Variants in PARN observed in about 807,000 individuals in gnomAD.
The protein encoded by PARN is poly(A)-specific ribonuclease, also known as poly(A)-specific ribonuclease PARN.
PARN carries 71 observed loss-of-function variants against 102.8 expected under a neutral mutation model. The observed-to-expected ratio is 0.69, with a 90% CI of 0.57 to 0.84. The LOEUF (loss-of-function observed/expected upper bound fraction) is 0.84, where lower values mean the gene tolerates loss of function less well. PARN is among the 40% of genes least tolerant of loss of function. The pLI, the probability that PARN is intolerant of heterozygous loss-of-function variation, is 0.00. For missense variants in PARN, 782 were observed against 760.9 expected, an observed-to-expected ratio of 1.03 and a Z score of -0.33; for synonymous variants, 261 against 252.9, an observed-to-expected ratio of 1.03 and a Z score of -0.30.
intron 21 of PARN, among the ~76,000 whole-genome samples, chr16:14,538,275 G>A (rs1240264622): frequency 6.7e-6 from 1 of 149,672 alleles, no homozygotes; most frequent in Non-Finnish European, 1.5e-5. Flanking sequence ...CTGGAGTGCA[G>A]GGGCATGATC....
At chr16:14,515,393 A>G (rs1965409927) in intron 21 of PARN, among the ~76,000 whole-genome samples, 1 of 152,212 alleles carries the variant, frequency 6.6e-6, no homozygotes, top group South Asian at 2.1e-4. Context: ...AACTGACCTT[A>G]AACATATGTA....
Position 14,584,809 on chromosome 16 carries a change from C to T in PARN, c.963-18G>A, listed in dbSNP as rs1969746233. On this transcript the variant is annotated intron_variant, in intron 14 of 23. Transcript: ENST00000437198. ...CCAAGAGTCTAAAAAGAATTTTTAA[C>T]AAGGTAAACAAAATGTATATCAATG... is the stretch of plus-strand genomic sequence containing the variant. The T allele has an allele frequency of 1.4e-6, 2 of 1,448,952 alleles. No individual in the cohort carries two copies. The highest frequency in any genetic ancestry group is 1.4e-5 in the African/African-American group (1 of 69,266). The allele number at this position is 1,448,952 out of a possible 1,614,324, so 89.8% of individuals were successfully genotyped here. A position where few individuals can be genotyped will look rare whatever the true frequency, so the allele number is the denominator to read the frequency against.
At chr16:14,554,351 A>C (rs902468399) in intron 19 of PARN, among the ~76,000 whole-genome samples, 200 bp from the exon 20 acceptor site, 1 of 152,200 alleles carries the variant, frequency 6.6e-6, no homozygotes, top group African/African-American at 2.4e-5. Flanking sequence ...GATACTTTAC[A>C]GAACCCACAA....
intron 21 of PARN, among the ~76,000 whole-genome samples, chr16:14,511,952 G>A (rs1965210042): frequency 6.6e-6 from 1 of 152,128 alleles, no homozygotes; most frequent in African/African-American, 2.4e-5. Flanking sequence ...GCCTCCCAAA[G>A]CACTGGGATT....
intron 23 of PARN, among the ~76,000 whole-genome samples, chr16:14,437,928 C>G (rs1960776118): frequency 6.6e-6 from 1 of 152,190 alleles, no homozygotes; most frequent in African/African-American, 2.4e-5. Context: ...TTTCAGCTAA[C>G]ATGAGAATTT....
chr16:14,549,079 G>A (rs898610480), intron 21 of PARN, among the ~76,000 whole-genome samples: 7 of 152,184 alleles, frequency 4.6e-5, no homozygotes, highest in Admixed American at 1.3e-4. Context: ...GCATAGTCAG[G>A]TTCTGGTGGG....
At chr16:14,491,263 C>T (rs1386645778) in intron 21 of PARN, among the ~76,000 whole-genome samples, 1 of 150,614 alleles carries the variant, frequency 6.6e-6, no homozygotes, top group Non-Finnish European at 1.5e-5. Context: ...CTGGTACACC[C>T]AACTGGTGTA....
Position 14,443,257 on chromosome 16 carries a change from C to T in PARN, c.1864+3631G>A, listed in dbSNP as rs565936961. ...TAGTACTTAATTCTTAGTGTATCTTCGATATCAAAATGTATACTATGAGTT... is the reference window on the plus strand; with the variant it reads ...TAGTACTTAATTCTTAGTGTATCTTTGATATCAAAATGTATACTATGAGTT... On this transcript the variant is annotated intron_variant, in intron 23 of 23. Coordinates refer to ENST00000437198, the MANE Select transcript of PARN (RefSeq NM_002582.4). Among the ~76,000 whole-genome samples the T allele has an allele frequency of 1.9e-4, 29 of 150,960 alleles. No homozygotes were observed. In the East Asian group the frequency reaches 1.9e-3, roughly 10 times the overall value.
intron 22 of PARN, among the ~76,000 whole-genome samples, chr16:14,467,319 C>T (rs1273233769): frequency 1.3e-5 from 2 of 152,096 alleles, no homozygotes; most frequent in South Asian, 4.1e-4. Flanking sequence ...TCATTTCAGC[C>T]CCCCTCAGAA....
chr16:14,448,814 G>A (rs1961316506), intron 22 of PARN, among the ~76,000 whole-genome samples: 1 of 152,158 alleles, frequency 6.6e-6, no homozygotes, highest in Admixed American at 6.5e-5. Context: ...TGGCTGGCTA[G>A]CCTTTCATTT....
At chr16:14,460,746 T>G (rs954043239) in intron 22 of PARN, among the ~76,000 whole-genome samples, 1 of 152,234 alleles carries the variant, frequency 6.6e-6, no homozygotes, top group African/African-American at 2.4e-5. Context: ...ATAAAACTTA[T>G]GTCTATATAA....
chr16:14,582,092 A>T, intron 17 of PARN, 89 bp downstream of exon 17: 2 of 837,000 alleles, frequency 2.4e-6, no homozygotes, highest in Non-Finnish European at 4.2e-6. Context: ...CACACTCGAC[A>T]GTAATTTATT....
At chr16:14,542,031 G>T (rs572130388) in intron 21 of PARN, among the ~76,000 whole-genome samples, 1 of 152,162 alleles carries the variant, frequency 6.6e-6, no homozygotes, top group East Asian at 1.9e-4. Context: ...TTGAGACAGG[G>T]TCTTGCACTG....
At chr16:14,491,987 A>C (rs1964082353) in intron 21 of PARN, among the ~76,000 whole-genome samples, 1 of 152,204 alleles carries the variant, frequency 6.6e-6, no homozygotes, top group Admixed American at 6.5e-5. Flanking sequence ...TCTGGCTCGA[A>C]CGGGTAGTTT....
At chr16:14,513,213 C>A (rs1965293193) in intron 21 of PARN, among the ~76,000 whole-genome samples, 1 of 152,202 alleles carries the variant, frequency 6.6e-6, no homozygotes, top group Non-Finnish European at 1.5e-5. Flanking sequence ...GCATGAGCCA[C>A]TGCGCCTGGC....
intron 22 of PARN, among the ~76,000 whole-genome samples, chr16:14,456,831 G>A (rs1002679326): frequency 7.9e-5 from 12 of 152,152 alleles, no homozygotes; most frequent in African/African-American, 2.2e-4. Flanking sequence ...CCATCCCCAC[G>A]GAGGAGCCGA....
At chr16:14,550,544 C>T (rs1967229792) in intron 21 of PARN, among the ~76,000 whole-genome samples, 1 of 152,154 alleles carries the variant, frequency 6.6e-6, no homozygotes, top group African/African-American at 2.4e-5. Context: ...AGTGATGCTG[C>T]AGTATGATTC....
intron 22 of PARN, among the ~76,000 whole-genome samples, chr16:14,447,673 A>AATC (rs1462493159): frequency 2.6e-5 from 4 of 152,252 alleles, no homozygotes; most frequent in African/African-American, 9.6e-5. Flanking sequence ...TATTGAATTA[A>AATC]ATCAGATTAT....
chr16:14,562,060 G>A (rs1026042186), intron 18 of PARN, among the ~76,000 whole-genome samples: 3 of 152,230 alleles, frequency 2.0e-5, no homozygotes, highest in African/African-American at 7.2e-5. Flanking sequence ...GCTGAGGCAG[G>A]AGAATCGCTT....
Sources: allele counts gnomAD v4.1 joint callset (sites outside exome capture counted in the v4.1 genomes callset), GRCh38; gene constraint gnomAD v4.1.1; transcripts MANE v1.5; gene names NCBI Gene and HGNC (gene_info 2026-07-23, HGNC 2026-07-21).